The following PLCXD1 variants were observed in gnomAD, a reference collection of about 807,000 sequenced individuals.
The protein encoded by PLCXD1 is PI-PLC X domain-containing protein 1.
Under a neutral mutation model 37.8 loss-of-function variants are expected in PLCXD1, and 45 were observed. The ratio of observed to expected loss-of-function variants is 1.19; its 90% CI spans 0.94 to 1.53. PLCXD1 has a LOEUF of 1.53. PLCXD1 is among the 40% of genes most tolerant of loss of function. The pLI is 0.00. For synonymous variants in PLCXD1, 246 were observed against 206.9 expected (o/e 1.19, Z -1.62); for missense variants, 539 against 454.7 (o/e 1.19, Z -1.69).
chrX:282,585 A>G (rs1384971701), intron 1 of PLCXD1, among the ~76,000 whole-genome samples: 35 of 150,256 alleles, frequency 2.3e-4, no homozygotes, highest in Non-Finnish European at 1.5e-5. Context: ...GGCGCCTGTA[A>G]TCCCAGCTAC....
Position 288,983 on chromosome X carries a change from C to T in PLCXD1, c.264+114C>T, listed in dbSNP as rs1240726409. 3 of 1,010,790 alleles carry T rather than the reference C, an allele frequency of 3.0e-6. No individual in the cohort carries two copies. In the East Asian group the frequency reaches 7.3e-5, roughly 25 times the overall value. The allele number at this position is 1,010,790 out of a possible 1,614,324, so 62.6% of individuals were successfully genotyped here. On this transcript the variant is annotated intron_variant, in intron 3 of 6. Transcript: ENST00000381657. ...TAGGGTTTGAGTGGTGCCCTGTGGG[C>T]TCAGGAGGCAGGTTCCTATCCCAGC...
At chrX:286,940 C>T (rs776196314) in intron 2 of PLCXD1, among the ~76,000 whole-genome samples, 64 of 151,870 alleles carry the variant, frequency 4.2e-4, no homozygotes, top group African/African-American at 1.4e-3. Context: ...GTGACTGTGG[C>T]TTCGTTCCAA....
intron 2 of PLCXD1, among the ~76,000 whole-genome samples, chrX:285,450 A>C (rs1159143698): frequency 3.9e-5 from 6 of 152,170 alleles, no homozygotes; most frequent in Non-Finnish European, 8.8e-5. Flanking sequence ...ACATGCACAG[A>C]CACACGTGCA....
At position 299,851 on chromosome X, in the gene PLCXD1, C is replaced by T. The variant is rs756489921; in HGVS notation, c.*516C>T. The T allele has an allele frequency of 4.9e-4, 77 of 156,798 alleles. 2 individuals are homozygous for T. Among genetic ancestry groups the T allele is most frequent in the Non-Finnish European group, 3.6e-4 (26 of 71,954 alleles). 9.7% of individuals were successfully genotyped at this position (156,798 alleles called of 1,614,324 possible). On this transcript the variant is annotated 3_prime_UTR_variant, in exon 7 of 7. Transcript: ENST00000381657. ...CGGGTGGAACATGAGGTCAGGAGTT[C>T]GAGACCAGCCTGACCAACATGGTGA...
intron 6 of PLCXD1, 67 bp from the exon 7 acceptor site, chrX:299,030 C>A: frequency 8.6e-7 from 1 of 1,167,548 alleles, no homozygotes; most frequent in Non-Finnish European, 1.3e-6. Flanking sequence ...AATAATGTGA[C>A]TAGGAGGGAG....
chrX:285,230 A>G (rs1467244485), intron 2 of PLCXD1, among the ~76,000 whole-genome samples: 2 of 152,198 alleles, frequency 1.3e-5, no homozygotes, highest in Non-Finnish European at 2.9e-5. Flanking sequence ...ACATGTATAC[A>G]TGGATGTAGG....
At chrX:296,779 T>C (rs2069822401) in intron 6 of PLCXD1, among the ~76,000 whole-genome samples, 1 of 152,276 alleles carries the variant, frequency 6.6e-6, no homozygotes, top group Non-Finnish European at 1.5e-5. Context: ...CATATTATTC[T>C]GTCTCCCACA....
At chrX:282,888 GT>G (rs1369403418) in intron 1 of PLCXD1, among the ~76,000 whole-genome samples, 1 of 140,936 alleles carries the variant, frequency 7.1e-6, no homozygotes, top group Non-Finnish European at 1.5e-5. Context: ...TTATGTATGT[GT>G]TATATATGTC....
intron 2 of PLCXD1, among the ~76,000 whole-genome samples, chrX:287,974 G>A (rs755648242): frequency 2.6e-5 from 4 of 151,088 alleles, no homozygotes; most frequent in South Asian, 2.1e-4. Flanking sequence ...AGGACCACAC[G>A]TCCTCCTGAG....
chrX:294,870 G>A (rs145098335), intron 6 of PLCXD1, among the ~76,000 whole-genome samples: 9,426 of 151,676 alleles, frequency 0.062, 951 homozygotes, highest in African/African-American at 0.22. Flanking sequence ...ATTCCCAGCC[G>A]AGTTGTGCAA....
Position 284,261 on chromosome X carries a change from C to A in PLCXD1, c.74C>A (p.Ser25Ter), listed in dbSNP as rs753130855. Residue 25 changes from serine to a stop codon, truncating the protein, a stop_gained, in exon 2 of 7, where the codon TCG (serine) becomes TAG (stop). Coordinates refer to ENST00000381657, the MANE Select transcript of PLCXD1 (RefSeq NM_018390.4). LOFTEE classifies it high-confidence loss of function. ...HCRNANEDWM[S>*]ALCPRLWDVP... ...AGAAATGCCAACGAGGACTGGATGT[C>A]GGCACTGTGTCCCCGGCTCTGGGAT... 2.3e-5 allele frequency: 37 copies of A among 1,613,218 alleles called. No homozygotes were observed. Among genetic ancestry groups the A allele is most frequent in the Non-Finnish European group, 3.0e-5 (35 of 1,179,454 alleles).
chrX:292,985 C>G (rs138867240), intron 5 of PLCXD1, 50 bp from the exon 6 acceptor site: 4 of 1,319,394 alleles, frequency 3.0e-6, no homozygotes, highest in African/African-American at 2.9e-5. Context: ...CTCCCAGGTG[C>G]CCCCGGCTCT....
Position 281,497 on chromosome X carries a change from G to C in PLCXD1, c.-209G>C, listed in dbSNP as rs2069276487. 6.5e-6 allele frequency: 1 copy of C among 152,734 alleles called. No homozygotes were observed. 9.5% of individuals were successfully genotyped at this position (152,734 alleles called of 1,614,324 possible). A position where few individuals can be genotyped will look rare whatever the true frequency, so the allele number is the denominator to read the frequency against. On this transcript the variant is annotated 5_prime_UTR_variant, in exon 1 of 7. Transcript: ENST00000381657. ...AAATCTGCAGCCACCTGGGAAGCCT[G>C]GCCTCAGTGTGGAAGAGAAGGCAGC...
chrX:282,350 C>G (rs1312900365), intron 1 of PLCXD1, among the ~76,000 whole-genome samples: 1 of 147,644 alleles, frequency 6.8e-6, no homozygotes, highest in Non-Finnish European at 1.5e-5. Flanking sequence ...TCATTGCACT[C>G]CAGCCTGGGT....
Position 299,321 on chromosome X carries a change from C to T in PLCXD1, c.958C>T (p.Leu320=). 1.2e-6 allele frequency: 2 copies of T among 1,612,618 alleles called. No homozygotes were observed. The highest frequency in any genetic ancestry group is 1.7e-6 in the Non-Finnish European group (2 of 1,178,664). Residue 320 remains leucine, a synonymous_variant, in exon 7 of 7, where the codon CTG becomes TTG. Coordinates refer to ENST00000381657, the MANE Select transcript of PLCXD1 (RefSeq NM_018390.4). The stretch of plus-strand genomic sequence containing the variant: ...TGACGTCATCGCGCTCAATCAGAAG[C>T]TGCTGTGGTGCTGACGGGACCCTTC... ...VSDVIALNQK[L]LWC is the part of the protein sequence containing the mutation.
Position 293,233 on chromosome X carries a change from C to A in PLCXD1, c.733+15C>A. ...CGGCCGCCCAGGTACCAGGTCGCCC[C>A]TCGTGGGGGTAGATTCCACACAGCC... On this transcript the variant is annotated intron_variant, in intron 6 of 6. Coordinates refer to ENST00000381657, the MANE Select transcript of PLCXD1 (RefSeq NM_018390.4). The A allele has an allele frequency of 6.2e-7, 1 of 1,601,760 alleles. No individual in the cohort carries two copies. Among genetic ancestry groups the A allele is most frequent in the Non-Finnish European group, 8.5e-7 (1 of 1,172,086 alleles).
At chrX:292,865 G>C (rs1296042421) in intron 5 of PLCXD1, among the ~76,000 whole-genome samples, 170 bp from the exon 6 acceptor site, 1 of 151,990 alleles carries the variant, frequency 6.6e-6, no homozygotes, top group Non-Finnish European at 1.5e-5. Flanking sequence ...CACCCACCTC[G>C]GCCTCCCAAA....
At chrX:296,672 A>G (rs1376758178) in intron 6 of PLCXD1, among the ~76,000 whole-genome samples, 4 of 152,344 alleles carry the variant, frequency 2.6e-5, no homozygotes, top group East Asian at 3.9e-4. Context: ...AACCCTCTCT[A>G]TAAGCCTCAT....
upstream of PLCXD1, among the ~76,000 whole-genome samples, chrX:278,496 T>C (rs748492614): frequency 6.6e-6 from 1 of 152,210 alleles, no homozygotes; most frequent in African/African-American, 2.4e-5. Context: ...CCCAGCACTT[T>C]GGGAGGCCAA....
Sources: gnomAD v4.1 joint callset for allele counts (sites outside exome capture counted in the v4.1 genomes callset) on GRCh38, gnomAD v4.1.1 for gene constraint, MANE v1.5 for transcripts, NCBI Gene and HGNC (gene_info 2026-07-23, HGNC 2026-07-21) for gene names.